SP140: variants seen among roughly 807,000 people sequenced by gnomAD.
SP140 encodes the protein nuclear body protein SP140.
Under a neutral mutation model 125.0 loss-of-function variants are expected in SP140, and 81 were observed. That is an observed-to-expected ratio of 0.65 (90% CI 0.54 to 0.78). The LOEUF is 0.78. Among genes scored for constraint, SP140 ranks in the 30% least tolerant of loss-of-function variants. The pLI is 0.00. For missense variants in SP140, 858 were observed against 1,037.0 expected, an observed-to-expected ratio of 0.83 and a Z score of 2.37; for synonymous variants, 312 against 354.0, an observed-to-expected ratio of 0.88 and a Z score of 1.33.
At chr2:230,293,529 G>A (rs185035072) in intron 20 of SP140, among the ~76,000 whole-genome samples, 1 of 151,942 alleles carries the variant, frequency 6.6e-6, no homozygotes, top group African/African-American at 2.4e-5. Context: ...TAGAAATGGG[G>A]TTTTGTCACG....
At chr2:230,210,107 C>T in intron 1 of SP140, 1 of 801,802 alleles carries the variant, frequency 1.2e-6, no homozygotes. Flanking sequence ...AAAGTACATG[C>T]AGCCCAGGGC....
intron 1 of SP140, among the ~76,000 whole-genome samples, chr2:230,204,619 A>C (rs1380087003): frequency 6.7e-6 from 1 of 149,246 alleles, no homozygotes; most frequent in East Asian, 2.0e-4. Flanking sequence ...TTTTTTCATT[A>C]AAAAAAAATT....
At chr2:230,221,896 A>C (rs1021753189), upstream of SP140, 30 of 651,004 alleles carry the variant, frequency 4.6e-5, no homozygotes, top group Non-Finnish European at 7.3e-5. Flanking sequence ...AAAAAAAGAC[A>C]GCTGCGAATG....
intron 22 of SP140, among the ~76,000 whole-genome samples, chr2:230,309,714 A>G (rs1174539038): frequency 2.0e-5 from 3 of 152,194 alleles, no homozygotes; most frequent in African/African-American, 7.2e-5. Flanking sequence ...AGACTTTTCA[A>G]TTCTGACCCA....
At chr2:230,221,297 AAG>A (rs2148980575), upstream of SP140, among the ~76,000 whole-genome samples, 1 of 152,168 alleles carries the variant, frequency 6.6e-6, no homozygotes, top group South Asian at 2.1e-4. Context: ...AAAAAAAAAA[AAG>A]AATTCTATGT....
At chr2:230,274,618 T>C (rs1467362532) in intron 15 of SP140, among the ~76,000 whole-genome samples, 1 of 152,164 alleles carries the variant, frequency 6.6e-6, no homozygotes, top group African/African-American at 2.4e-5. Flanking sequence ...ACCACAAATC[T>C]GTGATTTTTT....
Position 230,237,360 on chromosome 2 carries a change from G to T in SP140, c.237+100G>T, listed in dbSNP as rs1309334447. 2 of 1,005,814 alleles carry T rather than the reference G, an allele frequency of 2.0e-6. No individual in the cohort carries two copies. The highest frequency in any genetic ancestry group is 3.0e-6 in the Non-Finnish European group (2 of 675,458). 62.3% of individuals were successfully genotyped at this position (1,005,814 alleles called of 1,614,324 possible). A position where few individuals can be genotyped will look rare whatever the true frequency, so the allele number is the denominator to read the frequency against. The stretch of plus-strand genomic sequence containing the variant: ...GGCTAAAGGGCCTCCTGTGAGTGGG[G>T]ACCTTCACCATTCTGTAGGTTAGGA... On this transcript the variant is annotated intron_variant, in intron 2 of 26. Coordinates refer to ENST00000392045, the MANE Select transcript of SP140 (RefSeq NM_007237.5). This position sits in a 1 kb window ranked among gnomAD's most constrained non-coding sequence, Gnocchi z 5.4.
At chr2:230,282,677 T>C (rs1349709661) in intron 15 of SP140, among the ~76,000 whole-genome samples, 1 of 152,092 alleles carries the variant, frequency 6.6e-6, no homozygotes, top group African/African-American at 2.4e-5. Context: ...CTGTAAACGA[T>C]CTAGGTCCCT....
chr2:230,269,718 G>T, intron 13 of SP140, 100 bp downstream of exon 13: 1 of 1,061,776 alleles, frequency 9.4e-7, no homozygotes, highest in Non-Finnish European at 1.4e-6. Context: ...AATATAAGGA[G>T]GAGCAGTGAA....
rs1397670778 is a variant in SP140, at chr2:230,294,254, A to C, written c.1969-17A>C. The C allele has an allele frequency of 6.2e-7, 1 of 1,611,078 alleles. No homozygotes were observed. Among genetic ancestry groups the C allele is most frequent in the Non-Finnish European group, 8.5e-7 (1 of 1,177,298 alleles). ...AAACACAGGCTGACCATATACCTGA[A>C]TCTTTTTGTCTTTCAGAATGGATTT... On this transcript the variant is annotated splice_polypyrimidine_tract_variant and intron_variant, in intron 20 of 26. Coordinates refer to ENST00000392045, the MANE Select transcript of SP140 (RefSeq NM_007237.5).
At chr2:230,217,245 CAAAAAAAAAA>C in intron 3 of SP140, among the ~76,000 whole-genome samples, 1 of 79,802 alleles carries the variant, frequency 1.3e-5, no homozygotes, top group South Asian at 4.7e-4. Flanking sequence ...GACTCCATCT[CAAAAAAAAAA>C]AAAAAAAAAA....
upstream of SP140, among the ~76,000 whole-genome samples, chr2:230,224,358 A>G (rs2046070047): frequency 6.7e-6 from 1 of 150,278 alleles, no homozygotes; most frequent in Non-Finnish European, 1.5e-5. Flanking sequence ...TTGGAGCCCC[A>G]TGGAGACTGG....
intron 12 of SP140, among the ~76,000 whole-genome samples, chr2:230,265,027 C>T (rs1473846037): frequency 6.6e-6 from 1 of 152,062 alleles, no homozygotes; most frequent in Non-Finnish European, 1.5e-5. Context: ...CCCTAGAATT[C>T]CTAAGGTTAT....
chr2:230,272,593 T>C (rs923126958), intron 15 of SP140, among the ~76,000 whole-genome samples: 1 of 152,182 alleles, frequency 6.6e-6, no homozygotes, highest in African/African-American at 2.4e-5. Flanking sequence ...TCTTCCACCA[T>C]GATTGTGAGG....
chr2:230,241,272 G>A, intron 3 of SP140, 132 bp from the exon 4 acceptor site: 1 of 660,390 alleles, frequency 1.5e-6, no homozygotes, highest in Non-Finnish European at 2.7e-6. Context: ...ATGAAAAAAA[G>A]GGGAACAAGG....
At chr2:230,263,087 GT>G (rs2052537444) in intron 12 of SP140, among the ~76,000 whole-genome samples, 1 of 152,102 alleles carries the variant, frequency 6.6e-6, no homozygotes, top group East Asian at 1.9e-4. Flanking sequence ...TTGTGTTGCT[GT>G]CTATCTCATT....
intron 22 of SP140, among the ~76,000 whole-genome samples, chr2:230,306,526 T>C (rs2058779026): frequency 6.6e-6 from 1 of 152,196 alleles, no homozygotes; most frequent in South Asian, 2.1e-4. Flanking sequence ...GGCCTCCCAG[T>C]GCTCTTGGGG....
intron 22 of SP140, among the ~76,000 whole-genome samples, chr2:230,303,704 G>A (rs965023735): frequency 2.0e-5 from 3 of 152,160 alleles, no homozygotes; most frequent in Non-Finnish European, 4.4e-5. Flanking sequence ...ACAAAATCCA[G>A]CACCTTTTAT....
chr2:230,248,714 A>C (rs976623138), intron 8 of SP140, among the ~76,000 whole-genome samples, 171 bp from the exon 9 acceptor site: 1 of 152,206 alleles, frequency 6.6e-6, no homozygotes, highest in Non-Finnish European at 1.5e-5. Context: ...AACGGTGAGG[A>C]GGACACTGAG....
Sources: gnomAD v4.1 joint callset for allele counts (sites outside exome capture counted in the v4.1 genomes callset) on GRCh38, gnomAD v4.1.1 for gene constraint, Gnocchi (gnomAD v3.1) non-coding constraint, MANE v1.5 for transcripts, NCBI Gene and HGNC (gene_info 2026-07-23, HGNC 2026-07-21) for gene names.